PPARGC1A: variants seen among roughly 807,000 people sequenced by gnomAD.
PPARGC1A encodes the protein PPARG coactivator 1 alpha.
In PPARGC1A, 25 loss-of-function variants were observed where a neutral mutation model predicts 88.7. The observed-to-expected ratio is 0.28, with a 90% CI of 0.21 to 0.39. The LOEUF (loss-of-function observed/expected upper bound fraction) is 0.39, where lower values mean the gene tolerates loss of function less well. Among genes scored for constraint, PPARGC1A ranks in the 10% least tolerant of loss-of-function variants. PPARGC1A has a pLI of 1.00. For synonymous variants in PPARGC1A, 363 were observed against 355.6 expected (o/e 1.02, Z -0.24); for missense variants, 880 against 968.7 (o/e 0.91, Z 1.22).
chr4:24,321,453 T>C, the PPARGC1A span, among the ~76,000 whole-genome samples: 1 of 152,220 alleles, frequency 6.6e-6, no homozygotes, highest in African/African-American at 2.4e-5. Flanking sequence ...CACTAGGAGC[T>C]ACTGTATTAT....
chr4:24,193,545 T>A, the PPARGC1A span, among the ~76,000 whole-genome samples: 1 of 152,076 alleles, frequency 6.6e-6, no homozygotes, highest in South Asian at 2.1e-4. Flanking sequence ...GATCTGAAAA[T>A]CTGACTGAAA....
At chr4:24,208,873 T>C in the PPARGC1A span, among the ~76,000 whole-genome samples, 21 of 152,154 alleles carry the variant, frequency 1.4e-4, no homozygotes, top group Admixed American at 1.2e-3. Flanking sequence ...GAGTGTTTTC[T>C]TCTTTATGCT....
At chr4:23,895,325 T>C (rs1277098625) in intron 1 of PPARGC1A, among the ~76,000 whole-genome samples, 1 of 151,616 alleles carries the variant, frequency 6.6e-6, no homozygotes, top group Non-Finnish European at 1.5e-5. Context: ...TTTTTCTTTT[T>C]CTTTTTCTTT....
At chr4:24,097,485 T>C in the PPARGC1A span, among the ~76,000 whole-genome samples, 1 of 152,164 alleles carries the variant, frequency 6.6e-6, no homozygotes, top group Non-Finnish European at 1.5e-5. Context: ...TAGACATGAA[T>C]AGGGTATGTT....
the PPARGC1A span, among the ~76,000 whole-genome samples, chr4:24,278,996 T>G: frequency 1.6e-5 from 2 of 122,568 alleles, no homozygotes; most frequent in Non-Finnish European, 3.7e-5. Context: ...TAGAAACTGT[T>G]TGTTCCTGGA....
the PPARGC1A span, among the ~76,000 whole-genome samples, chr4:24,328,183 G>C: frequency 1.3e-5 from 2 of 151,862 alleles, no homozygotes; most frequent in Non-Finnish European, 2.9e-5. Context: ...AAGCCTATTT[G>C]GTGGTCTCTT....
At chr4:23,973,453 G>C in the PPARGC1A span, among the ~76,000 whole-genome samples, 1 of 152,166 alleles carries the variant, frequency 6.6e-6, no homozygotes, top group Non-Finnish European at 1.5e-5. Flanking sequence ...CAAAGTTTTT[G>C]CTATGAAATT....
the PPARGC1A span, among the ~76,000 whole-genome samples, chr4:24,403,874 C>T: frequency 1.6e-3 from 241 of 152,272 alleles, no homozygotes; most frequent in African/African-American, 5.6e-3. Flanking sequence ...AATCTAGACA[C>T]AGCACAAAAA....
chr4:24,103,925 C>T, the PPARGC1A span, among the ~76,000 whole-genome samples: 10 of 152,296 alleles, frequency 6.6e-5, no homozygotes, highest in Admixed American at 4.6e-4. Context: ...TCAGGCCAAA[C>T]GTCACCACTC....
the PPARGC1A span, among the ~76,000 whole-genome samples, chr4:24,032,431 A>G: frequency 6.6e-6 from 1 of 152,150 alleles, no homozygotes; most frequent in Non-Finnish European, 1.5e-5. Flanking sequence ...CAGCTCCCCA[A>G]GGGCCAGCTC....
At chr4:24,364,715 A>G in the PPARGC1A span, among the ~76,000 whole-genome samples, 1 of 152,192 alleles carries the variant, frequency 6.6e-6, no homozygotes, top group Non-Finnish European at 1.5e-5. Flanking sequence ...GTGAATATAC[A>G]TATGTATTTG....
chr4:24,108,825 C>T, the PPARGC1A span, among the ~76,000 whole-genome samples: 1 of 151,770 alleles, frequency 6.6e-6, no homozygotes, highest in Non-Finnish European at 1.5e-5. Context: ...ACAGCAGTAA[C>T]TTTGGCCAGA....
the PPARGC1A span, among the ~76,000 whole-genome samples, chr4:23,935,641 T>G: frequency 6.6e-6 from 1 of 152,220 alleles, no homozygotes; most frequent in African/African-American, 2.4e-5. Context: ...TTTACCAGTA[T>G]CTTATTTTAT....
At chr4:24,470,963 T>G in the PPARGC1A span, among the ~76,000 whole-genome samples, 1 of 151,540 alleles carries the variant, frequency 6.6e-6, no homozygotes, top group Non-Finnish European at 1.5e-5. The surrounding 1 kb of genome is among the most constrained non-coding windows in gnomAD (Gnocchi z 5.8). Context: ...TCGGTTGCTT[T>G]CGGGGTTTGT....
chr4:24,279,612 T>C, the PPARGC1A span, among the ~76,000 whole-genome samples: 3 of 152,072 alleles, frequency 2.0e-5, no homozygotes, highest in African/African-American at 4.8e-5. Flanking sequence ...CTCTCCCGCG[T>C]TGATTCACAC....
chr4:23,800,028 C>G (rs958483087), intron 12 of PPARGC1A, among the ~76,000 whole-genome samples: 3 of 152,192 alleles, frequency 2.0e-5, no homozygotes, highest in African/African-American at 7.2e-5. Flanking sequence ...CTGCTTCCTA[C>G]TATCTATTTA....
chr4:23,851,332 G>C (rs1729257765), intron 2 of PPARGC1A, among the ~76,000 whole-genome samples: 1 of 152,134 alleles, frequency 6.6e-6, no homozygotes, highest in Admixed American at 6.6e-5. Context: ...GATGCAGACT[G>C]TATTATCAGA....
the PPARGC1A span, among the ~76,000 whole-genome samples, chr4:24,108,014 T>C: frequency 1.3e-5 from 2 of 152,312 alleles, no homozygotes; most frequent in Admixed American, 1.3e-4. Flanking sequence ...GATAAGACTG[T>C]CCTCTACTTC....
At chr4:24,076,159 C>T in the PPARGC1A span, among the ~76,000 whole-genome samples, 1 of 152,172 alleles carries the variant, frequency 6.6e-6, no homozygotes, top group South Asian at 2.1e-4. Flanking sequence ...ATGGCTTATG[C>T]TCTTCTATTA....
Sources: gnomAD v4.1 joint callset for allele counts (sites outside exome capture counted in the v4.1 genomes callset) on GRCh38, gnomAD v4.1.1 for gene constraint, Gnocchi (gnomAD v3.1) non-coding constraint, MANE v1.5 for transcripts, NCBI Gene and HGNC (gene_info 2026-07-23, HGNC 2026-07-21) for gene names.